ARPP21: variants seen among roughly 807,000 people sequenced by gnomAD.
ARPP21 encodes the protein cAMP regulated phosphoprotein 21, also known as cAMP-regulated phosphoprotein 21.
A neutral mutation model predicts 113.2 loss-of-function variants in ARPP21; 69 were observed. That is an observed-to-expected ratio of 0.61 (90% CI 0.50 to 0.74). The LOEUF (loss-of-function observed/expected upper bound fraction) is 0.74, where lower values mean the gene tolerates loss of function less well. Ranked by LOEUF, ARPP21 falls within the 30% of genes least tolerant of loss-of-function variation. ARPP21 has a pLI of 0.00. For synonymous variants in ARPP21, 368 were observed against 375.5 expected (o/e 0.98, Z 0.23); for missense variants, 1,070 against 1,037.4 (o/e 1.03, Z -0.43).
Position 35,653,824 on chromosome 3 carries a change from G to A in ARPP21, c.-213+13426G>A, listed in dbSNP as rs138373861. ...TTCTAAGAATATGTACACTGAAATT[G>A]TATGTATATCAATATTTGTTTTGAA... On this transcript the variant is annotated intron_variant, in intron 1 of 20. Transcript: ENST00000684406. 3.2e-3 allele frequency among the ~76,000 whole-genome samples: 486 copies of A among 152,094 alleles called. 2 individuals are homozygous for A. The highest frequency in any genetic ancestry group is 0.011 in the African/African-American group (472 of 41,494).
In ARPP21 at chr3:35,792,345, C is replaced by T. The variant is rs748551316; in HGVS notation, c.2138-37C>T. ...CCCATGAAACATCACTGTGTTCTTT[C>T]TGCACAACCAGTTCAAAAGATCTCT... On this transcript the variant is annotated intron_variant, in intron 19 of 20. Transcript: ENST00000684406. 5 of 1,607,228 alleles carry T rather than the reference C, an allele frequency of 3.1e-6. No homozygotes were observed. The South Asian group carries it at 5.5e-5, about 18-fold the overall frequency.
intron 1 of ARPP21, among the ~76,000 whole-genome samples, chr3:35,668,026 G>C (rs1184222566): frequency 1.4e-5 from 2 of 143,910 alleles, no homozygotes; most frequent in Non-Finnish European, 3.1e-5. Context: ...AGAAGAAGAA[G>C]AAGAAGGAGA....
At chr3:35,726,236 C>T (rs951401738) in intron 14 of ARPP21, among the ~76,000 whole-genome samples, 1 of 152,216 alleles carries the variant, frequency 6.6e-6, no homozygotes, top group Non-Finnish European at 1.5e-5. Flanking sequence ...CTCAAAAGTT[C>T]TCAAATATCA....
At chr3:35,761,515 A>G (rs537210081) in intron 19 of ARPP21, among the ~76,000 whole-genome samples, 2 of 152,170 alleles carry the variant, frequency 1.3e-5, no homozygotes, top group East Asian at 3.9e-4. Context: ...GTGTCTATGG[A>G]GGTGACCTGT....
intron 9 of ARPP21, among the ~76,000 whole-genome samples, chr3:35,705,755 A>G (rs1248231055): frequency 6.6e-6 from 1 of 152,214 alleles, no homozygotes. Flanking sequence ...CGAATAAGAT[A>G]TTGACACCAT....
At chr3:35,648,787 T>A (rs1701257751) in intron 1 of ARPP21, among the ~76,000 whole-genome samples, 1 of 152,186 alleles carries the variant, frequency 6.6e-6, no homozygotes, top group South Asian at 2.1e-4. Flanking sequence ...GATAATTGCA[T>A]TTTATTTCCT....
intron 12 of ARPP21, 46 bp downstream of exon 12, chr3:35,715,522 G>C: frequency 6.8e-7 from 1 of 1,460,126 alleles, no homozygotes; most frequent in Non-Finnish European, 9.6e-7. Flanking sequence ...AACAACGTCT[G>C]TCATGTGTGT....
At chr3:35,689,220 G>A in intron 6 of ARPP21, 87 bp from the exon 7 acceptor site, 1 of 747,124 alleles carries the variant, frequency 1.3e-6, no homozygotes. Flanking sequence ...TATCTGAGCA[G>A]GGGGAAACAG....
At chr3:35,744,438 G>C (rs1423086327) in intron 19 of ARPP21, 1 of 519,628 alleles carries the variant, frequency 1.9e-6, no homozygotes, top group Admixed American at 2.1e-5. Flanking sequence ...TCACTTTCAT[G>C]ATGGCCACAT....
chr3:35,769,136 A>G (rs1156784819), intron 19 of ARPP21, among the ~76,000 whole-genome samples: 1 of 152,168 alleles, frequency 6.6e-6, no homozygotes. Context: ...ATATACCTAT[A>G]TCTTGAGAAA....
intron 19 of ARPP21, among the ~76,000 whole-genome samples, chr3:35,787,700 A>T (rs902533037): frequency 1.3e-5 from 2 of 152,196 alleles, no homozygotes; most frequent in African/African-American, 4.8e-5. Context: ...CATAATTCTT[A>T]TCTTTTTTAC....
At chr3:35,748,067 GAAGAAAGAAAGA>G (rs71622571) in intron 19 of ARPP21, among the ~76,000 whole-genome samples, 929 of 86,908 alleles carry the variant, frequency 0.011, 10 homozygotes, top group East Asian at 0.027. Context: ...AAGAAGGAAG[GAAGAAAGAAAGA>G]AAGAAAGAAA....
At chr3:35,642,837 C>T (rs1304189424) in intron 1 of ARPP21, among the ~76,000 whole-genome samples, 1 of 152,074 alleles carries the variant, frequency 6.6e-6, no homozygotes, top group Non-Finnish European at 1.5e-5. Flanking sequence ...ATTGTCACAA[C>T]TAAGAGAAGC....
intron 19 of ARPP21, among the ~76,000 whole-genome samples, chr3:35,791,040 G>A (rs1001420895): frequency 6.6e-6 from 1 of 152,152 alleles, no homozygotes; most frequent in African/African-American, 2.4e-5. Flanking sequence ...CTCATTTGAT[G>A]AACTGAGCCA....
chr3:35,752,347 G>T (rs985912219), intron 19 of ARPP21, among the ~76,000 whole-genome samples: 1 of 152,004 alleles, frequency 6.6e-6, no homozygotes, highest in Non-Finnish European at 1.5e-5. Flanking sequence ...TGTTTAAAGA[G>T]TTCTTTGGTG....
chr3:35,662,901 A>G (rs1413885020), intron 1 of ARPP21, among the ~76,000 whole-genome samples: 1 of 152,142 alleles, frequency 6.6e-6, no homozygotes, highest in Non-Finnish European at 1.5e-5. Context: ...AAAGATAGAT[A>G]ACAGAGGCTG....
At chr3:35,679,174 C>A (rs932398024) in intron 1 of ARPP21, among the ~76,000 whole-genome samples, 1 of 151,810 alleles carries the variant, frequency 6.6e-6, no homozygotes, top group African/African-American at 2.4e-5. Flanking sequence ...ATTGTGTTCA[C>A]CCTGCAACAA....
intron 1 of ARPP21, among the ~76,000 whole-genome samples, chr3:35,672,631 G>C (rs185700930): frequency 1.3e-4 from 20 of 152,120 alleles, no homozygotes; most frequent in African/African-American, 3.6e-4. Flanking sequence ...GGTTAATATA[G>C]AGATACACAA....
intron 19 of ARPP21, among the ~76,000 whole-genome samples, chr3:35,773,371 G>A (rs891584133): frequency 6.6e-6 from 1 of 152,104 alleles, no homozygotes; most frequent in Non-Finnish European, 1.5e-5. Context: ...TTTGGCAGGG[G>A]AAGTAACTGC....
Sources: allele counts gnomAD v4.1 joint callset (sites outside exome capture counted in the v4.1 genomes callset), GRCh38; gene constraint gnomAD v4.1.1; transcripts MANE v1.5; gene names NCBI Gene and HGNC (gene_info 2026-07-23, HGNC 2026-07-21).